ZNF154: variants seen among roughly 807,000 people sequenced by gnomAD.
ZNF154 encodes zinc finger protein 154 (pHZ-92).
In ZNF154, 6 loss-of-function variants were observed where a neutral mutation model predicts 7.5. The ratio of observed to expected loss-of-function variants is 0.80; its 90% CI spans 0.44 to 1.57. ZNF154 has a LOEUF of 1.57. ZNF154 is among the 40% of genes most tolerant of loss of function. The pLI, the probability that ZNF154 is intolerant of heterozygous loss-of-function variation, is 0.01. For synonymous variants in ZNF154, 187 were observed against 185.9 expected (o/e 1.01, Z -0.05); for missense variants, 485 against 531.4 (o/e 0.91, Z 0.86).
At chr19:57,705,366 C>G (rs1985343266) in intron 1 of ZNF154, among the ~76,000 whole-genome samples, 1 of 152,220 alleles carries the variant, frequency 6.6e-6, no homozygotes, top group Non-Finnish European at 1.5e-5. Context: ...TCCCATGTCA[C>G]TGTTTTAATC....
rs140161469 is a variant in ZNF154 at position 57,703,680 on chromosome 19, G to A, written c.161-892C>T. The stretch of plus-strand genomic sequence containing the variant: ...AGTATATGCAAGCCCATGGAAATAC[G>A]ACTGCAATGCAGCAGCTGGCCTTCA... On this transcript the variant is annotated intron_variant, in intron 2 of 2. Coordinates refer to ENST00000684351, the MANE Select transcript of ZNF154 (RefSeq NM_001085384.3). Among the ~76,000 whole-genome samples, 174 of 152,152 alleles carry A rather than the reference G, an allele frequency of 1.1e-3. 9 individuals are homozygous for A. In the East Asian group the frequency reaches 0.032, roughly 28 times the overall value.
intron 2 of ZNF154, among the ~76,000 whole-genome samples, chr19:57,703,851 A>T (rs1224079559): frequency 6.6e-6 from 1 of 152,162 alleles, no homozygotes; most frequent in Non-Finnish European, 1.5e-5. Context: ...CTCTAAAAAA[A>T]TACAAAAATG....
chr19:57,702,330 G>C lies in ZNF154; in HGVS notation c.619C>G (p.His207Asp). 1 of 1,612,936 alleles carries C rather than the reference G, an allele frequency of 6.2e-7. No homozygotes were observed. The highest frequency in any genetic ancestry group is 8.5e-7 in the Non-Finnish European group (1 of 1,179,016). ...CGTACTGCAGTGTGAACTCTCCGGT[G>C]CTGAATGAGACTAGAGCTTTGCCTA... ...SFRQSSSLIQ[H>D]RRVHTAVRPH... The change falls in exon 3 of 3, where the codon CAC (histidine) becomes GAC (aspartate). Residue 207 changes from histidine to aspartate, a missense_variant. Coordinates refer to ENST00000684351, the MANE Select transcript of ZNF154 (RefSeq NM_001085384.3).
At position 57,708,967 on chromosome 19, in the gene ZNF154, G is replaced by T; in HGVS notation, c.5C>A (p.Ala2Glu). The change falls in exon 1 of 3, where the codon GCA becomes GAA. Residue 2 changes from alanine to glutamate, a missense_variant. Transcript: ENST00000684351. Reference sequence around the variant, plus strand: ...AGTTGGCGTCCTCAGAGTGGCCGCTGCCATCAGACTCTGCGGGTAGAGCTG... The same window carrying T: ...AGTTGGCGTCCTCAGAGTGGCCGCTTCCATCAGACTCTGCGGGTAGAGCTG... Reference protein sequence around the residue: MAAATLRTPTQG... With the variant: MEAATLRTPTQG... 1.9e-6 allele frequency: 3 copies of T among 1,559,944 alleles called. No homozygotes were observed. Among genetic ancestry groups the T allele is most frequent in the Non-Finnish European group, 2.6e-6 (3 of 1,152,600 alleles).
chr19:57,705,855 G>A (rs936476009), intron 1 of ZNF154, among the ~76,000 whole-genome samples: 2 of 152,104 alleles, frequency 1.3e-5, no homozygotes, highest in Non-Finnish European at 2.9e-5. Context: ...TCACATGGGG[G>A]TCTAGTCCAG....
chr19:57,706,904 G>A (rs940623842), intron 1 of ZNF154, among the ~76,000 whole-genome samples: 7 of 152,262 alleles, frequency 4.6e-5, no homozygotes, highest in Non-Finnish European at 7.4e-5. Context: ...CTGAGGTTGG[G>A]AGTTCAAGAC....
rs1405594786 is a variant in ZNF154, at chr19:57,702,032, C to A, written c.917G>T (p.Cys306Phe). The change falls in exon 3 of 3, where the codon TGT becomes TTT. Residue 306 changes from cysteine to phenylalanine, a missense_variant. Coordinates refer to ENST00000684351, the MANE Select transcript of ZNF154 (RefSeq NM_001085384.3). ...SGSRPYECSE[C>F]GKSFSQNSSL... ...AGAGTTTTGGCTAAATGACTTCCCA[C>A]ATTCGCTGCACTCATAAGGCCTGGA... 6.2e-7 allele frequency: 1 copy of A among 1,613,922 alleles called. No homozygotes were observed. The highest frequency in any genetic ancestry group is 8.5e-7 in the Non-Finnish European group (1 of 1,180,018).
At position 57,699,509 on chromosome 19, in the gene ZNF154, A is replaced by G; in HGVS notation, c.*2126T>C. On this transcript the variant is annotated 3_prime_UTR_variant, in exon 3 of 3. Transcript: ENST00000684351. ...GCAGTGGTGGTTCAAGAAGTTTTGC[A>G]AAGGAGACAAGAGCCTTGAAGAGAA... 2.9e-6 allele frequency: 1 copy of G among 344,182 alleles called. No individual in the cohort carries two copies. The allele number at this position is 344,182 out of a possible 1,614,324, so 21.3% of individuals were successfully genotyped here. A position where few individuals can be genotyped will look rare whatever the true frequency, so the allele number is the denominator to read the frequency against.
At chr19:57,705,020 T>C (rs764767525) in intron 1 of ZNF154, 41 bp from the exon 2 acceptor site, 12 of 1,579,422 alleles carry the variant, frequency 7.6e-6, no homozygotes, top group Non-Finnish European at 1.0e-5. Context: ...AGAGCCCCTA[T>C]CCCAAGGACC....
intron 1 of ZNF154, among the ~76,000 whole-genome samples, chr19:57,705,749 G>A (rs1358722129): frequency 2.3e-5 from 3 of 131,760 alleles, no homozygotes; most frequent in South Asian, 2.3e-4. Flanking sequence ...GCGAGACTCC[G>A]TCTCAAAAAA....
At chr19:57,704,382 A>C (rs1341722480) in intron 2 of ZNF154, among the ~76,000 whole-genome samples, 4 of 152,062 alleles carry the variant, frequency 2.6e-5, no homozygotes, top group African/African-American at 9.7e-5. Context: ...CAGGAAAAAC[A>C]CACACACACA....
intron 1 of ZNF154, among the ~76,000 whole-genome samples, chr19:57,706,836 A>T (rs1432748756): frequency 1.3e-5 from 2 of 152,216 alleles, no homozygotes; most frequent in Non-Finnish European, 2.9e-5. Flanking sequence ...TGTAGGCCGG[A>T]TGCGGTGGCT....
In ZNF154 at chr19:57,701,556, C is replaced by A; in HGVS notation, c.*79G>T. On this transcript the variant is annotated 3_prime_UTR_variant, in exon 3 of 3. Transcript: ENST00000684351. Reference sequence around the variant, plus strand: ...AATGAGATATGGCCTTCAGCTGAAGCTTTCTGACATTCACTGTGTACTCAA... The same window carrying A: ...AATGAGATATGGCCTTCAGCTGAAGATTTCTGACATTCACTGTGTACTCAA... 1 of 1,468,836 alleles carries A rather than the reference C, an allele frequency of 6.8e-7. No homozygotes were observed. Among genetic ancestry groups the A allele is most frequent in the Admixed American group, 2.0e-5 (1 of 48,870 alleles). The allele number at this position is 1,468,836 out of a possible 1,614,324, so 91.0% of individuals were successfully genotyped here.
chr19:57,702,293 C>T lies in ZNF154; in HGVS notation c.656G>A (p.Cys219Tyr), dbSNP rs1300030490. 12 of 1,612,986 alleles carry T rather than the reference C, an allele frequency of 7.4e-6. No individual in the cohort carries two copies. Among genetic ancestry groups the T allele is most frequent in the Non-Finnish European group, 1.0e-5 (12 of 1,179,150 alleles). ...RVHTAVRPHE[C>Y]DECGKLFSNK... ...GCTAAATAATTTTCCACATTCATCA[C>T]ATTCATGAGGTCGTACTGCAGTGTG... Residue 219 changes from cysteine (C) to tyrosine (Y), a missense_variant, in exon 3 of 3, where the codon TGT becomes TAT. Physicochemically the swap from Cys to Tyr is radical, Grantham distance 194 (BLOSUM62 -2). Transcript: ENST00000684351.
rs1043405970 is a variant in ZNF154 at position 57,697,635 on chromosome 19, T to C, written c.*4000A>G. The stretch of plus-strand genomic sequence containing the variant: ...ATAAAAGAGCCTTTACATTTTAAAA[T>C]TGCATTCTGAAGAGGCTATGCATTA... On this transcript the variant is annotated 3_prime_UTR_variant, in exon 3 of 3. Transcript: ENST00000684351. 1 of 152,154 alleles carries C rather than the reference T, an allele frequency of 6.6e-6. No individual in the cohort carries two copies. Among genetic ancestry groups the C allele is most frequent in the African/African-American group, 2.4e-5 (1 of 41,442 alleles). 9.4% of individuals were successfully genotyped at this position (152,154 alleles called of 1,614,324 possible).
chr19:57,704,246 A>G (rs913312818), intron 2 of ZNF154, among the ~76,000 whole-genome samples: 1 of 152,140 alleles, frequency 6.6e-6, no homozygotes, highest in Admixed American at 6.5e-5. Flanking sequence ...ATTGGCACCA[A>G]AATGCTCGCC....
In ZNF154 at chr19:57,704,962, T is replaced by G; in HGVS notation, c.51A>C (p.Glu17Asp). 1.1e-5 allele frequency: 18 copies of G among 1,612,330 alleles called. No homozygotes were observed. Among genetic ancestry groups the G allele is most frequent in the Non-Finnish European group, 1.4e-5 (17 of 1,179,386 alleles). The change falls in exon 2 of 3, where the codon GAA becomes GAC. Residue 17 changes from glutamate to aspartate, a missense_variant. Transcript: ENST00000684351. The stretch of plus-strand genomic sequence containing the variant: ...CCCAGGAGAAGTGTACGGCCACATC[T>G]TCAAAGGTCACAGTGCCCTGCCACA... ...RTPTQGTVTFEDVAVHFSWEE... is the reference protein window; with the variant it reads ...RTPTQGTVTFDDVAVHFSWEE...
rs1985075102 is a variant in ZNF154, at chr19:57,700,378, C to T, written c.*1257G>A. The T allele has an allele frequency of 1.3e-5, 2 of 152,190 alleles. No homozygotes were observed. Among genetic ancestry groups the T allele is most frequent in the South Asian group, 4.1e-4 (2 of 4,834 alleles). The allele number at this position is 152,190 out of a possible 1,614,324, so 9.4% of individuals were successfully genotyped here. On this transcript the variant is annotated 3_prime_UTR_variant, in exon 3 of 3. Coordinates refer to ENST00000684351, the MANE Select transcript of ZNF154 (RefSeq NM_001085384.3). The stretch of plus-strand genomic sequence containing the variant: ...ACACAAGATACACAATTCTGTAGGT[C>T]CTGAGGATTTCTGTACCTGCTCATC...
At chr19:57,705,309 G>C (rs1292170832) in intron 1 of ZNF154, among the ~76,000 whole-genome samples, 1 of 152,038 alleles carries the variant, frequency 6.6e-6, no homozygotes, top group African/African-American at 2.4e-5. Context: ...CCAAGCCCAG[G>C]GCTGCCACCT....
Sources: gnomAD v4.1 joint callset for allele counts (sites outside exome capture counted in the v4.1 genomes callset) on GRCh38, gnomAD v4.1.1 for gene constraint, MANE v1.5 for transcripts, NCBI Gene and HGNC (gene_info 2026-07-23, HGNC 2026-07-21) for gene names.